Variants in ZNF566 observed in about 807,000 individuals in gnomAD.
The protein encoded by ZNF566 is zinc finger protein 566.
In ZNF566, 27 loss-of-function variants were observed where a neutral mutation model predicts 32.8. The observed-to-expected ratio is 0.82, with a 90% CI of 0.61 to 1.14. The LOEUF (loss-of-function observed/expected upper bound fraction) is 1.14. Ranked by LOEUF, ZNF566 falls within the 50% of genes most tolerant of loss-of-function variation. The probability of loss-of-function intolerance (pLI) is 0.00; values close to 1 mark genes in which losing one functional copy is unlikely to be tolerated. For missense variants in ZNF566, 402 were observed against 490.4 expected, an observed-to-expected ratio of 0.82 and a Z score of 1.70; for synonymous variants, 154 against 159.5, an observed-to-expected ratio of 0.97 and a Z score of 0.26.
chr19:36,448,879 T>C lies in ZNF566; in HGVS notation c.*98A>G, dbSNP rs1267330185. On this transcript the variant is annotated 3_prime_UTR_variant, in exon 5 of 5. Transcript: ENST00000452939. ...TAAGCTGTAGTCCACAAATAAAATG[T>C]TTCTACATTATTCTATCTAGAGGAA... The C allele has an allele frequency of 1.1e-5, 11 of 1,025,358 alleles. No homozygotes were observed. The highest frequency in any genetic ancestry group is 1.6e-5 in the African/African-American group (1 of 61,380). 63.5% of individuals were successfully genotyped at this position (1,025,358 alleles called of 1,614,324 possible). A position where few individuals can be genotyped will look rare whatever the true frequency, so the allele number is the denominator to read the frequency against.
chr19:36,450,389 T>C (rs1484504201), intron 4 of ZNF566, among the ~76,000 whole-genome samples: 1 of 152,194 alleles, frequency 6.6e-6, no homozygotes, highest in African/African-American at 2.4e-5. Context: ...CTCACATCTG[T>C]AATCCCAGCA....
intron 4 of ZNF566, among the ~76,000 whole-genome samples, chr19:36,470,591 C>T (rs1456453012): frequency 6.6e-6 from 1 of 152,158 alleles, no homozygotes; most frequent in Non-Finnish European, 1.5e-5. Flanking sequence ...ACCTACAAAG[C>T]AGCCAGGGAA....
At chr19:36,451,018 A>T (rs1371227156) in intron 4 of ZNF566, among the ~76,000 whole-genome samples, 1 of 152,240 alleles carries the variant, frequency 6.6e-6, no homozygotes, top group East Asian at 1.9e-4. Flanking sequence ...TAAAATGTGC[A>T]TTTCATTTTG....
intron 4 of ZNF566, among the ~76,000 whole-genome samples, chr19:36,453,117 C>CAA (rs1000282859): frequency 1.5e-5 from 2 of 129,842 alleles, no homozygotes; most frequent in African/African-American, 5.7e-5. Flanking sequence ...GACTCTGTCT[C>CAA]AAAAAAAAAA....
intron 4 of ZNF566, among the ~76,000 whole-genome samples, chr19:36,461,199 G>T (rs1200096838): frequency 6.6e-6 from 1 of 152,140 alleles, no homozygotes; most frequent in Non-Finnish European, 1.5e-5. Flanking sequence ...TAGAAATCCA[G>T]ATTTCTATAT....
chr19:36,475,431 A>G (rs183249948), intron 2 of ZNF566, among the ~76,000 whole-genome samples: 83 of 152,300 alleles, frequency 5.4e-4, no homozygotes, highest in African/African-American at 1.8e-3. Context: ...CTCGTTAACC[A>G]GGAGACCTTG....
rs969077407 is a variant in ZNF566 at position 36,473,603 on chromosome 19, A to C, written c.10-145T>G. On this transcript the variant is annotated intron_variant, in intron 2 of 4. Coordinates refer to ENST00000452939, the MANE Select transcript of ZNF566 (RefSeq NM_001145344.1). ...GGGAAGCAGTGGAGGACTGTAAACAAATAAGCACAACTGAATCACTGGGTT... is the reference window on the plus strand; with the variant it reads ...GGGAAGCAGTGGAGGACTGTAAACACATAAGCACAACTGAATCACTGGGTT... 2.3e-5 allele frequency: 15 copies of C among 644,048 alleles called. No homozygotes were observed. The East Asian group carries it at 4.8e-4, about 21-fold the overall frequency. The allele number at this position is 644,048 out of a possible 1,614,324, so 39.9% of individuals were successfully genotyped here.
intron 4 of ZNF566, among the ~76,000 whole-genome samples, chr19:36,471,951 C>G (rs1194468315): frequency 6.6e-6 from 1 of 152,032 alleles, no homozygotes; most frequent in Non-Finnish European, 1.5e-5. Flanking sequence ...ATCATGTTGG[C>G]CAGGCTGGTC....
At chr19:36,486,897 G>A (rs2034176240) in intron 1 of ZNF566, among the ~76,000 whole-genome samples, 1 of 150,506 alleles carries the variant, frequency 6.6e-6, no homozygotes, top group South Asian at 2.1e-4. Context: ...AGGCGGGCGG[G>A]AGTTTCACAT....
At chr19:36,464,075 A>G (rs933075351) in intron 4 of ZNF566, among the ~76,000 whole-genome samples, 4 of 152,306 alleles carry the variant, frequency 2.6e-5, no homozygotes, top group African/African-American at 7.2e-5. Context: ...TAAATAAAAC[A>G]TAAAGTAATT....
chr19:36,476,522 T>G, intron 2 of ZNF566, 27 bp downstream of exon 2: 1 of 1,604,712 alleles, frequency 6.2e-7, no homozygotes, highest in Non-Finnish European at 8.5e-7. Context: ...AATCACTCTA[T>G]CTGAGCAAAA....
intron 1 of ZNF566, among the ~76,000 whole-genome samples, chr19:36,485,134 T>C (rs2034127578): frequency 6.6e-6 from 1 of 151,810 alleles, no homozygotes; most frequent in South Asian, 2.1e-4. Flanking sequence ...TAAGGAAACA[T>C]CAGGCAAACG....
intron 4 of ZNF566, among the ~76,000 whole-genome samples, chr19:36,459,879 C>T (rs896362968): frequency 4.0e-5 from 6 of 148,342 alleles, no homozygotes; most frequent in Admixed American, 1.4e-4. Flanking sequence ...AGTACAGTGG[C>T]GTGATCTCAG....
At chr19:36,450,075 G>A in intron 4 of ZNF566, 74 bp from the exon 5 acceptor site, 1 of 1,221,580 alleles carries the variant, frequency 8.2e-7, no homozygotes, top group Non-Finnish European at 1.1e-6. Context: ...CAATATGGGA[G>A]AATTTAACCG....
chr19:36,484,647 T>C (rs1341797370), intron 1 of ZNF566, among the ~76,000 whole-genome samples: 3 of 144,126 alleles, frequency 2.1e-5, no homozygotes, highest in African/African-American at 7.7e-5. Flanking sequence ...TGGGGTGCAG[T>C]GGCGCGATCT....
chr19:36,448,708 TC>T lies in ZNF566; in HGVS notation c.*268del. The T allele has an allele frequency of 7.0e-6, 2 of 284,348 alleles. No individual in the cohort carries two copies. The highest frequency in any genetic ancestry group is 1.3e-5 in the Non-Finnish European group (2 of 154,240). The allele number at this position is 284,348 out of a possible 1,614,324, so 17.6% of individuals were successfully genotyped here. Reference sequence around the variant, plus strand: ...GGTTAGAAAGGTGTTAAAAGTGCTGTCATTTTCAGTATGACAGACTGAATTA... The same window carrying T: ...GGTTAGAAAGGTGTTAAAAGTGCTGTATTTTCAGTATGACAGACTGAATTA... On this transcript the variant is annotated 3_prime_UTR_variant, in exon 5 of 5. Coordinates refer to ENST00000452939, the MANE Select transcript of ZNF566 (RefSeq NM_001145344.1).
intron 1 of ZNF566, among the ~76,000 whole-genome samples, chr19:36,488,562 T>C (rs1349074485): frequency 6.6e-6 from 1 of 152,166 alleles, no homozygotes; most frequent in African/African-American, 2.4e-5. Flanking sequence ...TGCTGGTAAA[T>C]AAACTCAAGC....
At chr19:36,463,381 T>C (rs1275951421) in intron 4 of ZNF566, among the ~76,000 whole-genome samples, 4 of 152,152 alleles carry the variant, frequency 2.6e-5, no homozygotes, top group South Asian at 4.1e-4. Context: ...AAATGAACTA[T>C]AAGCCCTTTT....
rs144981133 is a variant in ZNF566, at chr19:36,489,509, T to A, written c.-83A>T. The A allele has an allele frequency of 1.5e-3, 516 of 345,644 alleles. 4 individuals carry two copies. Among genetic ancestry groups the A allele is most frequent in the African/African-American group, 0.011 (490 of 46,522 alleles). The allele number at this position is 345,644 out of a possible 1,614,324, so 21.4% of individuals were successfully genotyped here. A position where few individuals can be genotyped will look rare whatever the true frequency, so the allele number is the denominator to read the frequency against. ...ACCAGCTTTCGAAGCAGCAGAACCC[T>A]CCCCGGCACTGGGGTAGTTGCTGGT... On this transcript the variant is annotated 5_prime_UTR_variant, in exon 1 of 5. Transcript: ENST00000452939.
Sources: gnomAD v4.1 joint callset for allele counts (sites outside exome capture counted in the v4.1 genomes callset) on GRCh38, gnomAD v4.1.1 for gene constraint, MANE v1.5 for transcripts, NCBI Gene and HGNC (gene_info 2026-07-23, HGNC 2026-07-21) for gene names.